The following TMEM98 variants were observed in gnomAD, a reference collection of about 807,000 sequenced individuals.
The protein encoded by TMEM98 is transmembrane protein 98.
Under a neutral mutation model 25.0 loss-of-function variants are expected in TMEM98, and 18 were observed. The observed-to-expected ratio is 0.72, with a 90% CI of 0.50 to 1.07. The LOEUF (loss-of-function observed/expected upper bound fraction) is 1.07, where lower values mean the gene tolerates loss of function less well. TMEM98 is among the 50% of genes least tolerant of loss of function. The pLI, the probability that TMEM98 is intolerant of heterozygous loss-of-function variation, is 0.00. For missense variants in TMEM98, 241 were observed against 289.0 expected (o/e 0.83, Z 1.20); for synonymous variants, 103 against 112.4 (o/e 0.92, Z 0.53).
rs1598199011 is a variant in TMEM98, at chr17:32,931,358, A to T, written c.-99A>T. 1.3e-6 allele frequency: 1 copy of T among 794,024 alleles called. No homozygotes were observed. Among genetic ancestry groups the T allele is most frequent in the Non-Finnish European group, 1.9e-6 (1 of 517,576 alleles). 49.2% of individuals were successfully genotyped at this position (794,024 alleles called of 1,614,324 possible). A position where few individuals can be genotyped will look rare whatever the true frequency, so the allele number is the denominator to read the frequency against. Reference sequence around the variant, plus strand: ...AGGTCTCTGCAGGTGTCGTGGAGGAACCTAGCACCTGCCATCCTCTTCCCC... The same window carrying T: ...AGGTCTCTGCAGGTGTCGTGGAGGATCCTAGCACCTGCCATCCTCTTCCCC... On this transcript the variant is annotated 5_prime_UTR_variant, in exon 2 of 8. Transcript: ENST00000579849.
At position 32,931,650 on chromosome 17, in the gene TMEM98, A is replaced by G. The variant is rs201623318; in HGVS notation, c.122A>G (p.Tyr41Cys). 18 of 1,605,948 alleles carry G rather than the reference A, an allele frequency of 1.1e-5. No individual in the cohort carries two copies. Among genetic ancestry groups the G allele is most frequent in the East Asian group, 2.2e-5 (1 of 44,740 alleles). ...CGGCCGCGAGACCTGCTGCAGCGCT[A>G]TGATTCTAAGTGAGTGAGCCTATGG... The part of the protein sequence containing the change: ...YCRPRDLLQR[Y>C]DSKPIVDLIG... Residue 41 changes from tyrosine (Y) to cysteine (C), a missense_variant, in exon 3 of 8, where the codon TAT becomes TGT. Tyr to Cys is a radical substitution (Grantham distance 194, BLOSUM62 -2). Transcript: ENST00000579849.
chr17:32,928,424 T>G (rs1435311417), intron 1 of TMEM98, among the ~76,000 whole-genome samples, 187 bp downstream of exon 1: 2 of 146,688 alleles, frequency 1.4e-5, no homozygotes, highest in African/African-American at 2.5e-5. Context: ...CCGGGGCCCG[T>G]GCGGCGCGTC....
At chr17:32,932,701 A>T (rs2091476304) in intron 3 of TMEM98, among the ~76,000 whole-genome samples, 1 of 152,218 alleles carries the variant, frequency 6.6e-6, no homozygotes, top group South Asian at 2.1e-4. Context: ...CAGTGTAACT[A>T]GGAAAAGGCA....
At chr17:32,932,352 C>T (rs1054032519) in intron 3 of TMEM98, among the ~76,000 whole-genome samples, 4 of 152,178 alleles carry the variant, frequency 2.6e-5, no homozygotes, top group Admixed American at 2.0e-4. Flanking sequence ...CCACCCGCCT[C>T]AGCTTCCCAA....
At chr17:32,933,844 C>T (rs2091482241) in intron 4 of TMEM98, among the ~76,000 whole-genome samples, 1 of 152,160 alleles carries the variant, frequency 6.6e-6, no homozygotes, top group South Asian at 2.1e-4. Flanking sequence ...GTGTACAGTG[C>T]AGTAGGCACA....
chr17:32,933,667 A>G (rs1319930180), intron 4 of TMEM98, among the ~76,000 whole-genome samples: 1 of 152,166 alleles, frequency 6.6e-6, no homozygotes, highest in Non-Finnish European at 1.5e-5. Flanking sequence ...GAGCCCCTAC[A>G]TTTTGAGAAG....
chr17:32,942,183 CTG>C lies in TMEM98; in HGVS notation c.*1192_*1193del, dbSNP rs1567699831. On this transcript the variant is annotated 3_prime_UTR_variant, in exon 8 of 8. Transcript: ENST00000579849. ...TCCCCCTTTCTTCTGATATTAATAT[CTG>C]TTCATTTTGCAAACATTGAAAGATT... The C allele has an allele frequency of 6.6e-6, 1 of 152,194 alleles. No homozygotes were observed. Among genetic ancestry groups the C allele is most frequent in the Admixed American group, 6.5e-5 (1 of 15,280 alleles). 9.4% of individuals were successfully genotyped at this position (152,194 alleles called of 1,614,324 possible). A position where few individuals can be genotyped will look rare whatever the true frequency, so the allele number is the denominator to read the frequency against.
chr17:32,939,648 CTCCTTAGGCT>C, intron 7 of TMEM98, 112 bp downstream of exon 7: 1 of 1,332,104 alleles, frequency 7.5e-7, no homozygotes, highest in South Asian at 1.2e-5. Flanking sequence ...GCTTTGCAGC[CTCCTTAGGCT>C]GCCCGGGCCA....
rs1349694007 is a variant in TMEM98, at chr17:32,943,650, G to A, written c.*2657G>A. 1 of 152,218 alleles carries A rather than the reference G, an allele frequency of 6.6e-6. No individual in the cohort carries two copies. Among genetic ancestry groups the A allele is most frequent in the Non-Finnish European group, 1.5e-5 (1 of 68,046 alleles). The allele number at this position is 152,218 out of a possible 1,614,324, so 9.4% of individuals were successfully genotyped here. A position where few individuals can be genotyped will look rare whatever the true frequency, so the allele number is the denominator to read the frequency against. ...ATTTGGGCTCAGTGACTTACAGTGT[G>A]AGCTTGGTCAAGTTCTTAACATTCT... On this transcript the variant is annotated 3_prime_UTR_variant, in exon 8 of 8. Transcript: ENST00000579849.
In TMEM98 at chr17:32,934,486, G is replaced by C. The variant is rs534519934; in HGVS notation, c.297+162G>C. ...TTGTGGTTTACTTCCCCCCCTGCCT[G>C]GACTGGCTGTTCACAGAATCTCAAG... On this transcript the variant is annotated intron_variant, in intron 5 of 7. Transcript: ENST00000579849. 160 of 683,656 alleles carry C rather than the reference G, an allele frequency of 2.3e-4. 1 individual carries two copies. Among genetic ancestry groups the C allele is most frequent in the Admixed American group, 1.8e-3 (67 of 36,792 alleles). The allele number at this position is 683,656 out of a possible 1,614,324, so 42.3% of individuals were successfully genotyped here.
In TMEM98 at chr17:32,941,005, C is replaced by T. The variant is rs775806271; in HGVS notation, c.*12C>T. On this transcript the variant is annotated 3_prime_UTR_variant, in exon 8 of 8. Coordinates refer to ENST00000579849, the MANE Select transcript of TMEM98 (RefSeq NM_015544.3). ...AGTCTGCAATTTAGTGCCTACAGGC[C>T]AGCAGCTAGCCATGAAGGCCCCTGC... 1.3e-6 allele frequency: 2 copies of T among 1,585,700 alleles called. No individual in the cohort carries two copies. The highest frequency in any genetic ancestry group is 2.3e-5 in the South Asian group (2 of 88,340).
intron 1 of TMEM98, among the ~76,000 whole-genome samples, chr17:32,930,711 A>T (rs2091463602): frequency 7.8e-6 from 1 of 128,086 alleles, no homozygotes; most frequent in South Asian, 2.5e-4. Context: ...AGTTTCCTCA[A>T]CTGTAAAATG....
chr17:32,940,160 A>G (rs1200924706), intron 7 of TMEM98, among the ~76,000 whole-genome samples: 1 of 152,228 alleles, frequency 6.6e-6, no homozygotes, highest in Non-Finnish European at 1.5e-5. Context: ...CCCCACTCCT[A>G]CTGCTGCCGA....
Position 32,936,441 on chromosome 17 carries a change from GC to G in TMEM98, c.411del (p.Arg138GlyfsTer6). On this transcript the variant is annotated frameshift_variant, in exon 6 of 8. Coordinates refer to ENST00000579849, the MANE Select transcript of TMEM98 (RefSeq NM_015544.3). LOFTEE classifies it high-confidence loss of function. ...SDIIVVAKRI[S>X]PRVDDVVKSM... is the part of the protein sequence containing the mutation. ...ATCATTGTGGTGGCCAAGCGGATCAGCCCCAGGTGAGCAATTGGCGGCTTCG... is the reference window on the plus strand; with the variant it reads ...ATCATTGTGGTGGCCAAGCGGATCAGCCCAGGTGAGCAATTGGCGGCTTCG... 6.2e-7 allele frequency: 1 copy of G among 1,614,070 alleles called. No individual in the cohort carries two copies. Among genetic ancestry groups the G allele is most frequent in the Non-Finnish European group, 8.5e-7 (1 of 1,179,956 alleles).
At chr17:32,939,651 CT>C in intron 7 of TMEM98, 115 bp downstream of exon 7, 1 of 1,285,090 alleles carries the variant, frequency 7.8e-7, no homozygotes, top group Non-Finnish European at 1.1e-6. Context: ...TTGCAGCCTC[CT>C]TAGGCTGCCC....
intron 1 of TMEM98, among the ~76,000 whole-genome samples, chr17:32,930,022 T>C (rs1338481876): frequency 6.6e-6 from 1 of 152,050 alleles, no homozygotes; most frequent in Non-Finnish European, 1.5e-5. Flanking sequence ...AATAAATACT[T>C]AGTGAATGGT....
chr17:32,932,526 C>T (rs954814161), intron 3 of TMEM98, among the ~76,000 whole-genome samples: 1 of 152,258 alleles, frequency 6.6e-6, no homozygotes, highest in South Asian at 2.1e-4. Context: ...TTTTCTTATC[C>T]TTCTGTCTTA....
At position 32,932,509 on chromosome 17, in the gene TMEM98, C is replaced by T. The variant is rs29021; in HGVS notation, c.132-665C>T. On this transcript the variant is annotated intron_variant, in intron 3 of 7. Transcript: ENST00000579849. ...ATTGATAGACCGTTCAGGGATTAAC[C>T]CTTAGTTTTTCTTATCCTTCTGTCT... Among the ~76,000 whole-genome samples, 475 of 152,242 alleles carry T rather than the reference C, an allele frequency of 3.1e-3. 3 individuals are homozygous for T. Among genetic ancestry groups the T allele is most frequent in the African/African-American group, 0.011 (454 of 41,512 alleles).
In TMEM98 at chr17:32,941,056, G is replaced by A. The variant is rs746876432; in HGVS notation, c.*63G>A. 7.1e-6 allele frequency: 10 copies of A among 1,405,806 alleles called. No individual in the cohort carries two copies. The highest frequency in any genetic ancestry group is 2.5e-4 in the Middle Eastern group (1 of 3,930). 87.1% of individuals were successfully genotyped at this position (1,405,806 alleles called of 1,614,324 possible). A position where few individuals can be genotyped will look rare whatever the true frequency, so the allele number is the denominator to read the frequency against. ...CGCCATCCCTGGATGGCTCAGCTTA[G>A]CCTTCTACTTTTTCCTATAGAGTTA... On this transcript the variant is annotated 3_prime_UTR_variant, in exon 8 of 8. Coordinates refer to ENST00000579849, the MANE Select transcript of TMEM98 (RefSeq NM_015544.3).
Sources: allele counts gnomAD v4.1 joint callset (sites outside exome capture counted in the v4.1 genomes callset), GRCh38; gene constraint gnomAD v4.1.1; transcripts MANE v1.5; gene names NCBI Gene and HGNC (gene_info 2026-07-23, HGNC 2026-07-21).